Variants in ARNT2 observed in about 807,000 individuals in gnomAD.
ARNT2 encodes aryl hydrocarbon receptor nuclear translocator 2, also known as ARNT protein 2.
Under a neutral mutation model 91.7 loss-of-function variants are expected in ARNT2, and 36 were observed. The ratio of observed to expected loss-of-function variants is 0.39; its 90% CI spans 0.30 to 0.52. The LOEUF (loss-of-function observed/expected upper bound fraction) is 0.52. ARNT2 is among the 20% of genes least tolerant of loss of function. The pLI is 0.72. For missense variants in ARNT2, 775 were observed against 939.3 expected, an observed-to-expected ratio of 0.83 and a Z score of 2.29; for synonymous variants, 365 against 347.1, an observed-to-expected ratio of 1.05 and a Z score of -0.57.
intron 8 of ARNT2, among the ~76,000 whole-genome samples, chr15:80,548,224 C>A (rs1035179359): frequency 5.9e-5 from 9 of 152,006 alleles, no homozygotes; most frequent in African/African-American, 2.2e-4. Context: ...CATTATTAAC[C>A]AAGGCATTAA....
chr15:80,416,291 G>GT (rs34998163), intron 1 of ARNT2, among the ~76,000 whole-genome samples: 5,585 of 149,636 alleles, frequency 0.037, 302 homozygotes, highest in East Asian at 0.27. Context: ...GGCTTTATCA[G>GT]TTTTTTTTTT....
intron 8 of ARNT2, among the ~76,000 whole-genome samples, chr15:80,534,318 T>C (rs1022230511): frequency 6.9e-6 from 1 of 144,470 alleles, no homozygotes; most frequent in Non-Finnish European, 1.5e-5. Context: ...GCTTACCTTC[T>C]TTTTTTTTTG....
At chr15:80,464,675 C>T (rs1420700499) in intron 3 of ARNT2, among the ~76,000 whole-genome samples, 1 of 152,178 alleles carries the variant, frequency 6.6e-6, no homozygotes, top group Non-Finnish European at 1.5e-5. Flanking sequence ...CTGAATATGC[C>T]TCAGTGGGCC....
intron 8 of ARNT2, among the ~76,000 whole-genome samples, chr15:80,549,671 A>G (rs1898049804): frequency 6.6e-6 from 1 of 152,254 alleles, no homozygotes; most frequent in South Asian, 2.1e-4. Context: ...CTCACCTGTC[A>G]GACTGACAAA....
intron 5 of ARNT2, among the ~76,000 whole-genome samples, chr15:80,499,402 T>C (rs1020509217): frequency 6.6e-6 from 1 of 152,230 alleles, no homozygotes; most frequent in Non-Finnish European, 1.5e-5. Context: ...TTGTCCTTCC[T>C]CTTCTGTCAA....
At chr15:80,491,771 A>G (rs1018925127) in intron 5 of ARNT2, among the ~76,000 whole-genome samples, 2 of 141,808 alleles carry the variant, frequency 1.4e-5, no homozygotes, top group East Asian at 2.0e-4. Context: ...TCACAAATAC[A>G]TCTCATTTAC....
chr15:80,557,215 A>G (rs770128021), intron 11 of ARNT2, among the ~76,000 whole-genome samples: 1 of 152,092 alleles, frequency 6.6e-6, no homozygotes, highest in East Asian at 1.9e-4. Context: ...CTTTCATAAC[A>G]TCAGCCACTC....
At chr15:80,456,222 T>C (rs1037396142) in intron 2 of ARNT2, among the ~76,000 whole-genome samples, 5 of 152,156 alleles carry the variant, frequency 3.3e-5, no homozygotes, top group Non-Finnish European at 5.9e-5. Context: ...CAAACTACCT[T>C]GCAGAGGTGT....
chr15:80,470,555 T>C, intron 4 of ARNT2, 124 bp downstream of exon 4: 3 of 1,084,862 alleles, frequency 2.8e-6, no homozygotes, highest in Non-Finnish European at 3.9e-6. Flanking sequence ...ATGTTTTGTT[T>C]CCATTTTTCT....
chr15:80,489,273 T>C (rs1014850628), intron 5 of ARNT2, among the ~76,000 whole-genome samples: 3 of 152,278 alleles, frequency 2.0e-5, no homozygotes, highest in Admixed American at 2.0e-4. Flanking sequence ...AGTGCACGTA[T>C]AGCACTGATC....
intron 8 of ARNT2, among the ~76,000 whole-genome samples, chr15:80,550,620 G>T (rs936969598): frequency 1.3e-5 from 2 of 152,184 alleles, no homozygotes; most frequent in Non-Finnish European, 2.9e-5. Context: ...AGTGAGGATT[G>T]TTTTAACCAG....
intron 6 of ARNT2, among the ~76,000 whole-genome samples, chr15:80,511,068 T>C (rs761675453): frequency 1.1e-4 from 17 of 152,092 alleles, no homozygotes; most frequent in Non-Finnish European, 2.1e-4. Flanking sequence ...TATAAAGACA[T>C]ATGCATGCAT....
At chr15:80,581,101 C>G in intron 16 of ARNT2, 138 bp from the exon 17 acceptor site, 1 of 1,068,116 alleles carries the variant, frequency 9.4e-7, no homozygotes, top group Non-Finnish European at 1.4e-6. Flanking sequence ...AGGCCTGTGC[C>G]TAGCCAGACA....
At position 80,414,455 on chromosome 15, in the gene ARNT2, C is replaced by T. The variant is rs914482665; in HGVS notation, c.31+9909C>T. ...CAGGAGTTTCACAAGGACATGTGGC[C>T]CCCAGATAATAAAGGGCTGGCCCCT... On this transcript the variant is annotated intron_variant, in intron 1 of 18. Coordinates refer to ENST00000303329, the MANE Select transcript of ARNT2 (RefSeq NM_014862.4). Among the ~76,000 whole-genome samples the T allele has an allele frequency of 5.3e-5, 8 of 152,154 alleles. No individual in the cohort carries two copies. In the South Asian group the frequency reaches 1.2e-3, roughly 24 times the overall value.
chr15:80,533,301 GC>G (rs1277267091), intron 8 of ARNT2, among the ~76,000 whole-genome samples: 4 of 152,326 alleles, frequency 2.6e-5, no homozygotes, highest in Admixed American at 2.6e-4. Context: ...AGAGTGTGGA[GC>G]AGGAAGTGGA....
At chr15:80,588,307 G>T (rs1893213943) in intron 17 of ARNT2, among the ~76,000 whole-genome samples, 1 of 151,996 alleles carries the variant, frequency 6.6e-6, no homozygotes, top group South Asian at 2.1e-4. Flanking sequence ...GCTGGCTTTT[G>T]TTCTGTGTTT....
chr15:80,527,121 G>A (rs1897651359), intron 8 of ARNT2, among the ~76,000 whole-genome samples: 1 of 152,350 alleles, frequency 6.6e-6, no homozygotes, highest in South Asian at 2.1e-4. Context: ...TTTGTTCTCA[G>A]GCAGGGCAAA....
chr15:80,426,936 G>A (rs938995941), intron 1 of ARNT2, among the ~76,000 whole-genome samples: 1 of 152,182 alleles, frequency 6.6e-6, no homozygotes, highest in Non-Finnish European at 1.5e-5. Flanking sequence ...AGGGAAGCGA[G>A]CTGTCTGGTA....
intron 12 of ARNT2, among the ~76,000 whole-genome samples, chr15:80,570,580 T>A (rs910055025): frequency 3.3e-5 from 5 of 152,332 alleles, no homozygotes; most frequent in Admixed American, 2.6e-4. Context: ...GTGCTCCCAC[T>A]TTGCTGGTCT....
Sources: allele counts gnomAD v4.1 joint callset (sites outside exome capture counted in the v4.1 genomes callset), GRCh38; gene constraint gnomAD v4.1.1; transcripts MANE v1.5; gene names NCBI Gene and HGNC (gene_info 2026-07-23, HGNC 2026-07-21).